Variants in SGPL1 observed in about 807,000 individuals in gnomAD.
SGPL1 encodes sphingosine-1-phosphate lyase 1.
A neutral mutation model predicts 68.9 loss-of-function variants in SGPL1; 37 were observed. That is an observed-to-expected ratio of 0.54 (90% CI 0.41 to 0.71). The LOEUF (loss-of-function observed/expected upper bound fraction) is 0.71, where lower values mean the gene tolerates loss of function less well. Among genes scored for constraint, SGPL1 ranks in the 30% least tolerant of loss-of-function variants. SGPL1 has a pLI of 0.00. For synonymous variants in SGPL1, 236 were observed against 248.5 expected (o/e 0.95, Z 0.47); for missense variants, 551 against 704.6 (o/e 0.78, Z 2.47).
At chr10:70,860,183 A>G (rs1324213992) in intron 7 of SGPL1, among the ~76,000 whole-genome samples, 1 of 152,128 alleles carries the variant, frequency 6.6e-6, no homozygotes, top group East Asian at 1.9e-4. Flanking sequence ...TGATAGATAA[A>G]CTTCTGTTTA....
intron 2 of SGPL1, among the ~76,000 whole-genome samples, chr10:70,835,847 G>T (rs2131870033): frequency 6.6e-6 from 1 of 152,170 alleles, no homozygotes; most frequent in Non-Finnish European, 1.5e-5. Context: ...TGAAGCTATA[G>T]AGATCAGTAA....
intron 7 of SGPL1, among the ~76,000 whole-genome samples, chr10:70,861,818 C>T (rs1160596593): frequency 6.6e-6 from 1 of 152,240 alleles, no homozygotes; most frequent in African/African-American, 2.4e-5. Flanking sequence ...CTAGGTCCCC[C>T]AGTAGTGCCG....
At chr10:70,831,801 C>T (rs773262998) in intron 2 of SGPL1, among the ~76,000 whole-genome samples, 7 of 152,090 alleles carry the variant, frequency 4.6e-5, no homozygotes, top group Non-Finnish European at 7.4e-5. Context: ...ATAGACTGAC[C>T]GGAAACCCAG....
intron 1 of SGPL1, among the ~76,000 whole-genome samples, 160 bp from the exon 2 acceptor site, chr10:70,816,651 G>T (rs1249467290): frequency 6.6e-6 from 1 of 152,176 alleles, no homozygotes. Flanking sequence ...ATTTTGATTC[G>T]CTGGTCTGGG....
At chr10:70,850,740 A>G (rs1014076618) in intron 3 of SGPL1, among the ~76,000 whole-genome samples, 14 of 152,228 alleles carry the variant, frequency 9.2e-5, no homozygotes, top group African/African-American at 3.4e-4. Context: ...GATCTTTAAG[A>G]TAATACTCCT....
chr10:70,847,612 C>T (rs890259409), intron 3 of SGPL1, among the ~76,000 whole-genome samples: 9 of 151,982 alleles, frequency 5.9e-5, no homozygotes, highest in South Asian at 2.1e-4. Flanking sequence ...TTGAACCATA[C>T]AAAATGTAAT....
At chr10:70,849,947 A>G (rs777367634) in intron 3 of SGPL1, among the ~76,000 whole-genome samples, 3 of 152,158 alleles carry the variant, frequency 2.0e-5, no homozygotes, top group Non-Finnish European at 2.9e-5. Context: ...TGATGCTTTG[A>G]TCTTGCATTG....
chr10:70,847,136 T>C (rs1845803544), intron 3 of SGPL1, among the ~76,000 whole-genome samples: 2 of 148,046 alleles, frequency 1.4e-5, no homozygotes, highest in African/African-American at 5.0e-5. Flanking sequence ...CCATTTGAGG[T>C]TTTTTTTTTG....
Position 70,860,625 on chromosome 10 carries a change from T to C in SGPL1, c.615+1126T>C, listed in dbSNP as rs189700910. The C allele has an allele frequency of 2.0e-3, 681 of 344,398 alleles. 2 individuals carry two copies. The highest frequency in any genetic ancestry group is 0.012 in the African/African-American group (572 of 46,298). 21.3% of individuals were successfully genotyped at this position (344,398 alleles called of 1,614,324 possible). A position where few individuals can be genotyped will look rare whatever the true frequency, so the allele number is the denominator to read the frequency against. On this transcript the variant is annotated intron_variant, in intron 7 of 14. Coordinates refer to ENST00000373202, the MANE Select transcript of SGPL1 (RefSeq NM_003901.4). The stretch of plus-strand genomic sequence containing the variant: ...AATGTACTTACAGTATATTCTCCTA[T>C]GCCATTAGACTCTTGAAGAACTTGT...
At position 70,880,287 on chromosome 10, in the gene SGPL1, T is replaced by A. The variant is rs1846477906; in HGVS notation, c.*2952T>A. The A allele has an allele frequency of 6.6e-6, 1 of 152,228 alleles. No individual in the cohort carries two copies. Among genetic ancestry groups the A allele is most frequent in the African/African-American group, 2.4e-5 (1 of 41,444 alleles). 9.4% of individuals were successfully genotyped at this position (152,228 alleles called of 1,614,324 possible). A position where few individuals can be genotyped will look rare whatever the true frequency, so the allele number is the denominator to read the frequency against. On this transcript the variant is annotated 3_prime_UTR_variant, in exon 15 of 15. Coordinates refer to ENST00000373202, the MANE Select transcript of SGPL1 (RefSeq NM_003901.4). ...AGACACAGTTAAGCAGCAATCCATC[T>A]CATTTCCAGGCACTTCAATAGGTCG...
chr10:70,872,821 A>G (rs1175805455), intron 11 of SGPL1, among the ~76,000 whole-genome samples: 2 of 152,224 alleles, frequency 1.3e-5, no homozygotes, highest in African/African-American at 2.4e-5. Context: ...TTAGGGGGTC[A>G]GATGTTCTAT....
At chr10:70,850,148 CAG>C (rs1845855886) in intron 3 of SGPL1, among the ~76,000 whole-genome samples, 1 of 152,194 alleles carries the variant, frequency 6.6e-6, no homozygotes, top group African/African-American at 2.4e-5. Flanking sequence ...TACTGCCTGA[CAG>C]AGTGGACTCT....
intron 7 of SGPL1, among the ~76,000 whole-genome samples, chr10:70,865,636 A>C (rs1390010818): frequency 6.6e-6 from 1 of 152,260 alleles, no homozygotes; most frequent in East Asian, 1.9e-4. Context: ...CAGAAGATAA[A>C]ACCAAATGGC....
In SGPL1 at chr10:70,877,432, C is replaced by T. The variant is rs1255115788; in HGVS notation, c.*97C>T. ...ACAACTTTGACATCTGGTCTTGCTC[C>T]ATAGAGCACAACTCAAGATAGACCA... is the stretch of plus-strand genomic sequence containing the variant. On this transcript the variant is annotated 3_prime_UTR_variant, in exon 15 of 15. Coordinates refer to ENST00000373202, the MANE Select transcript of SGPL1 (RefSeq NM_003901.4). 20 of 1,193,484 alleles carry T rather than the reference C, an allele frequency of 1.7e-5. No homozygotes were observed. The East Asian group carries it at 3.5e-4, about 21-fold the overall frequency. 73.9% of individuals were successfully genotyped at this position (1,193,484 alleles called of 1,614,324 possible). A position where few individuals can be genotyped will look rare whatever the true frequency, so the allele number is the denominator to read the frequency against.
intron 7 of SGPL1, chr10:70,860,377 C>CTT (rs753683569): frequency 2.9e-5 from 11 of 379,390 alleles, no homozygotes; most frequent in East Asian, 8.5e-5. Flanking sequence ...AATTTAGTTT[C>CTT]TTTTTTTTTT....
intron 2 of SGPL1, among the ~76,000 whole-genome samples, chr10:70,820,700 G>T (rs1192042019): frequency 6.6e-6 from 1 of 152,030 alleles, no homozygotes; most frequent in African/African-American, 2.4e-5. Context: ...GCTTGAACCC[G>T]GGAGGTGGAG....
At chr10:70,817,096 C>T (rs1393397354) in intron 2 of SGPL1, among the ~76,000 whole-genome samples, 3 of 152,194 alleles carry the variant, frequency 2.0e-5, no homozygotes, top group Middle Eastern at 3.4e-3. Context: ...CTCGGCTCAC[C>T]GCCACCTCTG....
chr10:70,871,277 T>G, intron 10 of SGPL1, 131 bp downstream of exon 10: 1 of 599,054 alleles, frequency 1.7e-6, no homozygotes, highest in South Asian at 2.2e-5. Flanking sequence ...GTAGCTCTCA[T>G]CAGCCCTAGG....
chr10:70,856,307 C>T (rs1997008), intron 5 of SGPL1, among the ~76,000 whole-genome samples: 17,568 of 152,084 alleles, frequency 0.12, 1,239 homozygotes, highest in Non-Finnish European at 0.16. Flanking sequence ...TGACAAATAC[C>T]CTTACAATTT....
Sources: gnomAD v4.1 joint callset for allele counts (sites outside exome capture counted in the v4.1 genomes callset) on GRCh38, gnomAD v4.1.1 for gene constraint, MANE v1.5 for transcripts, NCBI Gene and HGNC (gene_info 2026-07-23, HGNC 2026-07-21) for gene names.